DRICH1: variants seen among roughly 807,000 people sequenced by gnomAD.
DRICH1 encodes the protein aspartate rich 1, also known as aspartate-rich protein 1.
DRICH1 carries 38 observed loss-of-function variants against 39.5 expected under a neutral mutation model. The observed-to-expected ratio is 0.96, with a 90% confidence interval of 0.74 to 1.26. The LOEUF (loss-of-function observed/expected upper bound fraction) is 1.26. DRICH1 is among the 50% of genes most tolerant of loss of function. The probability of loss-of-function intolerance (pLI) is 0.00; values close to 1 mark genes in which losing one functional copy is unlikely to be tolerated. For synonymous variants in DRICH1, 84 were observed against 99.5 expected (o/e 0.84, Z 0.93); for missense variants, 279 against 270.4 (o/e 1.03, Z -0.22).
chr22:23,627,876 G>A (rs1186474623), intron 1 of DRICH1, among the ~76,000 whole-genome samples: 2 of 152,128 alleles, frequency 1.3e-5, no homozygotes, highest in Admixed American at 1.3e-4. Flanking sequence ...CACCCCAGAG[G>A]CGACCTAGAA....
At chr22:23,582,266 C>T in the DRICH1 span, among the ~76,000 whole-genome samples, 15 of 151,212 alleles carry the variant, frequency 9.9e-5, no homozygotes, top group East Asian at 5.8e-4. Context: ...CGTGAGCCAC[C>T]GCAACTGGCT....
Position 23,619,322 on chromosome 22 carries a change from A to G in DRICH1, c.436+42T>C, listed in dbSNP as rs567883317. On this transcript the variant is annotated intron_variant, in intron 6 of 11. Coordinates refer to ENST00000317749, the MANE Select transcript of DRICH1 (RefSeq NM_016449.4). The stretch of plus-strand genomic sequence containing the variant: ...ATATTCATGGATAGGAAGACTCAGC[A>G]TGACTAACACACAATACTACACACA... 3.8e-6 allele frequency: 3 copies of G among 779,876 alleles called. No homozygotes were observed. In the South Asian group the frequency reaches 4.0e-5, roughly 10 times the overall value. 48.3% of individuals were successfully genotyped at this position (779,876 alleles called of 1,614,324 possible).
downstream of DRICH1, among the ~76,000 whole-genome samples, chr22:23,603,993 A>G (rs1926603210): frequency 6.6e-6 from 1 of 152,180 alleles, no homozygotes; most frequent in South Asian, 2.1e-4. Flanking sequence ...AAAAAAGCCC[A>G]GGGCTGTCCT....
At chr22:23,627,348 CAG>C (rs1343818198) in intron 1 of DRICH1, among the ~76,000 whole-genome samples, 1 of 152,124 alleles carries the variant, frequency 6.6e-6, no homozygotes, top group African/African-American at 2.4e-5. Context: ...GCTGGAATTA[CAG>C]GTGTGAGCCA....
downstream of DRICH1, among the ~76,000 whole-genome samples, chr22:23,607,542 G>GT (rs1054537880): frequency 6.6e-6 from 1 of 151,434 alleles, no homozygotes; most frequent in Admixed American, 6.6e-5. Context: ...CGGGGGCGGG[G>GT]GGGGGCCTCT....
chr22:23,593,130 TA>T, the DRICH1 span, among the ~76,000 whole-genome samples: 1 of 151,740 alleles, frequency 6.6e-6, no homozygotes, highest in Admixed American at 6.6e-5. Flanking sequence ...CTCAAACAGT[TA>T]AAGGAAAACA....
At chr22:23,596,418 G>GTTTATT in the DRICH1 span, among the ~76,000 whole-genome samples, 1 of 116,346 alleles carries the variant, frequency 8.6e-6, no homozygotes, top group Admixed American at 8.1e-5. Context: ...TGGCACCCCC[G>GTTTATT]TTTATTTTTA....
chr22:23,608,701 AC>A lies in DRICH1; in HGVS notation c.*62del, dbSNP rs1426232183. On this transcript the variant is annotated 3_prime_UTR_variant, in exon 12 of 12. Transcript: ENST00000317749. ...GAGACCTCCAGGGGCAAAGCTGGGG[AC>A]CCTGCAGCACGCGCTGGCCTGCCCT... 6.6e-7 allele frequency: 1 copy of A among 1,520,220 alleles called. No individual in the cohort carries two copies. The highest frequency in any genetic ancestry group is 1.4e-5 in the African/African-American group (1 of 72,354). 94.2% of individuals were successfully genotyped at this position (1,520,220 alleles called of 1,614,324 possible). A position where few individuals can be genotyped will look rare whatever the true frequency, so the allele number is the denominator to read the frequency against.
the DRICH1 span, among the ~76,000 whole-genome samples, chr22:23,589,498 G>C: frequency 1.4e-5 from 2 of 143,592 alleles, no homozygotes; most frequent in South Asian, 2.3e-4. Context: ...ATATATGTGT[G>C]TATGTGTGTG....
chr22:23,588,031 G>T, the DRICH1 span, among the ~76,000 whole-genome samples: 1 of 152,116 alleles, frequency 6.6e-6, no homozygotes, highest in Admixed American at 6.5e-5. Flanking sequence ...TGCTATATTC[G>T]CATGGAGCCC....
intron 4 of DRICH1, among the ~76,000 whole-genome samples, chr22:23,620,830 T>G (rs1927680960): frequency 6.6e-6 from 1 of 152,224 alleles, no homozygotes; most frequent in South Asian, 2.1e-4. Flanking sequence ...TATTGGTATC[T>G]TTAAGGCTAT....
At position 23,624,910 on chromosome 22, in the gene DRICH1, A is replaced by G. The variant is rs748747678; in HGVS notation, c.277-6T>C. 2 of 1,613,422 alleles carry G rather than the reference A, an allele frequency of 1.2e-6. No individual in the cohort carries two copies. Among genetic ancestry groups the G allele is most frequent in the East Asian group, 2.2e-5 (1 of 44,872 alleles). On this transcript the variant is annotated splice_region_variant and splice_polypyrimidine_tract_variant and intron_variant, in intron 2 of 11. Coordinates refer to ENST00000317749, the MANE Select transcript of DRICH1 (RefSeq NM_016449.4). Reference sequence around the variant, plus strand: ...TGGACAGGTGATGGTAAAATCTGCAATGAGACAAAAGAAGATGCTATGAGG... The same window carrying G: ...TGGACAGGTGATGGTAAAATCTGCAGTGAGACAAAAGAAGATGCTATGAGG...
chr22:23,625,049 T>C (rs749756687), intron 2 of DRICH1, 145 bp from the exon 3 acceptor site: 3 of 935,652 alleles, frequency 3.2e-6, no homozygotes, highest in South Asian at 1.7e-5. Flanking sequence ...CACTTTAGCA[T>C]AGAGGACATG....
At chr22:23,620,341 C>T (rs1177143040) in intron 5 of DRICH1, among the ~76,000 whole-genome samples, 1 of 152,108 alleles carries the variant, frequency 6.6e-6, no homozygotes, top group Non-Finnish European at 1.5e-5. Context: ...CCACCAACAT[C>T]AGGATAGGTC....
chr22:23,592,554 G>A, the DRICH1 span, among the ~76,000 whole-genome samples: 1 of 152,104 alleles, frequency 6.6e-6, no homozygotes, highest in Non-Finnish European at 1.5e-5. Flanking sequence ...AGTGCTGCTG[G>A]GTGGCCTACT....
intron 9 of DRICH1, 128 bp from the exon 10 acceptor site, chr22:23,613,788 C>CCCCCAAAGACTAGCACAGAGGATA: frequency 1.5e-6 from 1 of 678,624 alleles, no homozygotes; most frequent in East Asian, 2.7e-5. Context: ...AGGTCAAAGT[C>CCCCCAAAGACTAGCACAGAGGATA]CCCCAAAGAC....
rs192092738 is a variant in DRICH1 at position 23,614,535 on chromosome 22, A to C, written c.542-321T>G. Reference sequence around the variant, plus strand: ...AAATGTTTTGAAACTCTTCAAAACCAACAGGATTTTCTTAACGTATTCAAG... The same window carrying C: ...AAATGTTTTGAAACTCTTCAAAACCCACAGGATTTTCTTAACGTATTCAAG... On this transcript the variant is annotated intron_variant, in intron 8 of 11. Coordinates refer to ENST00000317749, the MANE Select transcript of DRICH1 (RefSeq NM_016449.4). 8.1e-3 allele frequency among the ~76,000 whole-genome samples: 1,231 copies of C among 152,338 alleles called. 16 individuals carry two copies. The highest frequency in any genetic ancestry group is 0.027 in the African/African-American group (1,121 of 41,566).
chr22:23,619,565 A>G (rs1412461175), intron 5 of DRICH1, among the ~76,000 whole-genome samples, 172 bp from the exon 6 acceptor site: 3 of 152,264 alleles, frequency 2.0e-5, no homozygotes, highest in Non-Finnish European at 4.4e-5. Context: ...GGTATCACAG[A>G]TATAGAATAC....
the DRICH1 span, among the ~76,000 whole-genome samples, chr22:23,593,474 G>C: frequency 4.6e-5 from 7 of 152,102 alleles, no homozygotes; most frequent in African/African-American, 1.7e-4. Flanking sequence ...AGACCAGCCT[G>C]GCCAACATGG....
Sources: gnomAD v4.1 joint callset for allele counts (sites outside exome capture counted in the v4.1 genomes callset) on GRCh38, gnomAD v4.1.1 for gene constraint, MANE v1.5 for transcripts, NCBI Gene and HGNC (gene_info 2026-07-23, HGNC 2026-07-21) for gene names.